LMX1B: variants seen among roughly 807,000 people sequenced by gnomAD.
LMX1B encodes the protein LIM homeobox transcription factor 1-beta.
In LMX1B, 12 loss-of-function variants were observed where a neutral mutation model predicts 51.4. The ratio of observed to expected loss-of-function variants is 0.23; its 90% CI spans 0.15 to 0.38. LMX1B has a LOEUF of 0.38. LMX1B is among the 10% of genes least tolerant of loss of function. LMX1B has a pLI of 1.00. For synonymous variants in LMX1B, 237 were observed against 235.4 expected, an observed-to-expected ratio of 1.01 and a Z score of -0.06; for missense variants, 445 against 571.1, an observed-to-expected ratio of 0.78 and a Z score of 2.25.
intron 2 of LMX1B, among the ~76,000 whole-genome samples, chr9:126,619,291 C>T (rs1835364875): frequency 6.6e-6 from 1 of 152,202 alleles, no homozygotes; most frequent in Non-Finnish European, 1.5e-5. Flanking sequence ...TCCCCCCACA[C>T]TCCCCATCCA....
intron 2 of LMX1B, among the ~76,000 whole-genome samples, chr9:126,656,755 C>A (rs1296943395): frequency 6.6e-6 from 1 of 152,166 alleles, no homozygotes; most frequent in Admixed American, 6.5e-5. Flanking sequence ...TGGGTCAGCT[C>A]ATGCTTTGTT....
chr9:126,643,156 G>T (rs767754545), intron 2 of LMX1B, among the ~76,000 whole-genome samples: 1 of 152,134 alleles, frequency 6.6e-6, no homozygotes, highest in Non-Finnish European at 1.5e-5. Context: ...ACAGCTGGGG[G>T]CTAGGGGTGG....
At chr9:126,660,025 G>T (rs1836202992) in intron 2 of LMX1B, among the ~76,000 whole-genome samples, 1 of 150,362 alleles carries the variant, frequency 6.7e-6, no homozygotes, top group South Asian at 2.1e-4. Flanking sequence ...TGTCCTGTGT[G>T]GGGGTGTCTA....
rs188205143 is a variant in LMX1B, at chr9:126,658,991, G to A, written c.327-31845G>A. Among the ~76,000 whole-genome samples, 8 of 152,336 alleles carry A rather than the reference G, an allele frequency of 5.3e-5. No individual in the cohort carries two copies. Among genetic ancestry groups the A allele is most frequent in the Non-Finnish European group, 8.8e-5 (6 of 68,026 alleles). On this transcript the variant is annotated intron_variant, in intron 2 of 7. Coordinates refer to ENST00000373474, the MANE Select transcript of LMX1B (RefSeq NM_001174147.2). The surrounding 1 kb of genome is among the most constrained non-coding windows in gnomAD (Gnocchi z 4.0). ...GATACAGGGTGGGAGGGACCCTTCA[G>A]GGGGCTGAGAGGCGGGTGTTCTGGG...
At position 126,668,736 on chromosome 9, in the gene LMX1B, G is replaced by A. The variant is rs925203089; in HGVS notation, c.327-22100G>A. 9.2e-5 allele frequency among the ~76,000 whole-genome samples: 14 copies of A among 152,214 alleles called. No individual in the cohort carries two copies. The East Asian group carries it at 2.7e-3, about 29-fold the overall frequency. On this transcript the variant is annotated intron_variant, in intron 2 of 7. Transcript: ENST00000373474. ...CCCAAAGTGCTAGGATTACAGGCAT[G>A]AGCCACCGTGCCTGGCCCAGAAGCA...
intron 3 of LMX1B, among the ~76,000 whole-genome samples, chr9:126,692,126 C>T (rs1178913196): frequency 1.3e-5 from 2 of 152,232 alleles, no homozygotes; most frequent in African/African-American, 4.8e-5. Context: ...TTTTCCATGG[C>T]CAGGGCCTGC....
In LMX1B at chr9:126,614,363, T is replaced by C. The variant is rs1835256574; in HGVS notation, c.-87T>C. 9.5e-7 allele frequency: 1 copy of C among 1,057,140 alleles called. No homozygotes were observed. The highest frequency in any genetic ancestry group is 1.2e-6 in the Non-Finnish European group (1 of 857,666). 65.5% of individuals were successfully genotyped at this position (1,057,140 alleles called of 1,614,324 possible). A position where few individuals can be genotyped will look rare whatever the true frequency, so the allele number is the denominator to read the frequency against. On this transcript the variant is annotated 5_prime_UTR_variant, in exon 1 of 8. Coordinates refer to ENST00000373474, the MANE Select transcript of LMX1B (RefSeq NM_001174147.2). ...CCCTGCGGGGGCCGCGCCTCCCCGG[T>C]TCCAGGGCCGCGGCGGCGGAGAGCG... is the stretch of plus-strand genomic sequence containing the variant.
rs192875426 is a variant in LMX1B at position 126,625,493 on chromosome 9, G to A, written c.326+9924G>A. On this transcript the variant is annotated intron_variant, in intron 2 of 7. Transcript: ENST00000373474. This position sits in a 1 kb window ranked among gnomAD's most constrained non-coding sequence, Gnocchi z 5.3. ...AAGCGGGATTGACCAGAAGAGAGAG[G>A]CCGAATGGAGATGCCAGGCTGGGGC... Among the ~76,000 whole-genome samples, 461 of 152,356 alleles carry A rather than the reference G, an allele frequency of 3.0e-3. No individual in the cohort carries two copies. Among genetic ancestry groups the A allele is most frequent in the Non-Finnish European group, 5.2e-3 (357 of 68,036 alleles).
At chr9:126,639,809 G>A (rs749284993) in intron 2 of LMX1B, among the ~76,000 whole-genome samples, 16 of 152,288 alleles carry the variant, frequency 1.1e-4, no homozygotes, top group Middle Eastern at 6.8e-3. Flanking sequence ...TTGGCCTGTC[G>A]ATTTTTATTC....
rs1390883813 is a variant in LMX1B at position 126,673,364 on chromosome 9, G to A, written c.327-17472G>A. On this transcript the variant is annotated intron_variant, in intron 2 of 7. Transcript: ENST00000373474. The surrounding 1 kb of genome is among the most constrained non-coding windows in gnomAD (Gnocchi z 4.4). ...ACTTCCTGGGCGTCTGACACACCAG[G>A]CCCCACAAACAACTCCGCACCAGGG... is the stretch of plus-strand genomic sequence containing the variant. Among the ~76,000 whole-genome samples the A allele has an allele frequency of 2.0e-5, 3 of 152,060 alleles. No individual in the cohort carries two copies. Among genetic ancestry groups the A allele is most frequent in the African/African-American group, 4.8e-5 (2 of 41,418 alleles).
intron 2 of LMX1B, among the ~76,000 whole-genome samples, chr9:126,633,057 G>A (rs557788368): frequency 3.3e-5 from 5 of 152,262 alleles, no homozygotes; most frequent in South Asian, 2.1e-4. Flanking sequence ...CCCAGGAGGC[G>A]TCCCCTGGCC....
Position 126,626,757 on chromosome 9 carries a change from T to A in LMX1B, c.326+11188T>A, listed in dbSNP as rs1231313614. Among the ~76,000 whole-genome samples, 1 of 152,144 alleles carries A rather than the reference T, an allele frequency of 6.6e-6. No homozygotes were observed. The highest frequency in any genetic ancestry group is 1.5e-5 in the Non-Finnish European group (1 of 68,020). On this transcript the variant is annotated intron_variant, in intron 2 of 7. Coordinates refer to ENST00000373474, the MANE Select transcript of LMX1B (RefSeq NM_001174147.2). This position sits in a 1 kb window ranked among gnomAD's most constrained non-coding sequence, Gnocchi z 4.3. ...GCGGCGGCGGAGCAAACTCTGCGGA[T>A]TAGGTTTCAGCGCCTCCGCCCCACC...
chr9:126,620,551 C>T (rs534803682), intron 2 of LMX1B, among the ~76,000 whole-genome samples: 1 of 152,322 alleles, frequency 6.6e-6, no homozygotes, highest in South Asian at 2.1e-4. Context: ...ACTGCATTAT[C>T]AGAAAGGGCC....
At chr9:126,649,354 C>G (rs1415887554) in intron 2 of LMX1B, among the ~76,000 whole-genome samples, 1 of 152,174 alleles carries the variant, frequency 6.6e-6, no homozygotes, top group Non-Finnish European at 1.5e-5. Context: ...GACTCAAGAC[C>G]TCTAGGAATC....
At chr9:126,682,877 A>G (rs1280964448) in intron 2 of LMX1B, among the ~76,000 whole-genome samples, 2 of 141,766 alleles carry the variant, frequency 1.4e-5, no homozygotes, top group East Asian at 4.4e-4. Flanking sequence ...CCTGGGTGAC[A>G]GAGAGGCACT....
chr9:126,700,114 C>T lies in LMX1B; in HGVS notation c.*3663C>T, dbSNP rs765999337. 1 of 152,262 alleles carries T rather than the reference C, an allele frequency of 6.6e-6. No individual in the cohort carries two copies. Among genetic ancestry groups the T allele is most frequent in the Non-Finnish European group, 1.5e-5 (1 of 68,062 alleles). 9.4% of individuals were successfully genotyped at this position (152,262 alleles called of 1,614,324 possible). A position where few individuals can be genotyped will look rare whatever the true frequency, so the allele number is the denominator to read the frequency against. ...CTGGGCATGGCCCCAGCCAGAGCCT[C>T]ATCTGCCTACTCCGTGAAGCCTCCC... On this transcript the variant is annotated 3_prime_UTR_variant, in exon 8 of 8. Transcript: ENST00000373474.
Position 126,700,807 on chromosome 9 carries a change from G to A in LMX1B, c.*4356G>A, listed in dbSNP as rs1255671562. On this transcript the variant is annotated 3_prime_UTR_variant, in exon 8 of 8. Coordinates refer to ENST00000373474, the MANE Select transcript of LMX1B (RefSeq NM_001174147.2). ...TGGGGATGGGCCACCGGCCATTCCT[G>A]TTTTCCTTGTACAGACAGATTCTCA... The A allele has an allele frequency of 6.6e-6, 1 of 152,218 alleles. No homozygotes were observed. The highest frequency in any genetic ancestry group is 2.4e-5 in the African/African-American group (1 of 41,442). The allele number at this position is 152,218 out of a possible 1,614,324, so 9.4% of individuals were successfully genotyped here. A position where few individuals can be genotyped will look rare whatever the true frequency, so the allele number is the denominator to read the frequency against.
At chr9:126,653,142 CTTTTTTTTT>C (rs5900715) in intron 2 of LMX1B, among the ~76,000 whole-genome samples, 1 of 55,362 alleles carries the variant, frequency 1.8e-5, no homozygotes, top group Non-Finnish European at 3.3e-5. Context: ...CAAGTAGATG[CTTTTTTTTT>C]TTTTTTTTTT....
chr9:126,644,034 C>T (rs1232419578), intron 2 of LMX1B, among the ~76,000 whole-genome samples: 1 of 152,148 alleles, frequency 6.6e-6, no homozygotes, highest in East Asian at 1.9e-4. Context: ...CAGTCACTGG[C>T]CCGCACTGCC....
Sources: gnomAD v4.1 joint callset for allele counts (sites outside exome capture counted in the v4.1 genomes callset) on GRCh38, gnomAD v4.1.1 for gene constraint, Gnocchi (gnomAD v3.1) non-coding constraint, MANE v1.5 for transcripts, NCBI Gene and HGNC (gene_info 2026-07-23, HGNC 2026-07-21) for gene names.